PREPL: variants seen among roughly 807,000 people sequenced by gnomAD.
PREPL encodes prolyl endopeptidase like, also known as prolyl endopeptidase-like.
PREPL carries 77 observed loss-of-function variants against 70.6 expected under a neutral mutation model. That is an observed-to-expected ratio of 1.09 (90% CI 0.91 to 1.32). The LOEUF (loss-of-function observed/expected upper bound fraction) is 1.32, where lower values mean the gene tolerates loss of function less well. PREPL is among the 40% of genes most tolerant of loss of function. The pLI is 0.00. For synonymous variants in PREPL, 315 were observed against 264.8 expected (o/e 1.19, Z -1.84); for missense variants, 1,002 against 778.2 (o/e 1.29, Z -3.42).
chr2:44,332,409 C>T lies in PREPL; in HGVS notation c.1086+50G>A, dbSNP rs186861792. The T allele has an allele frequency of 2.6e-4, 389 of 1,490,904 alleles. 4 individuals are homozygous for T. The East Asian group carries it at 5.2e-3, about 20-fold the overall frequency. 92.4% of individuals were successfully genotyped at this position (1,490,904 alleles called of 1,614,324 possible). On this transcript the variant is annotated intron_variant, in intron 8 of 13. Transcript: ENST00000409411. ...CAACAACTGCATGGCATCTGGCAAA[C>T]GGTATGCTTTCAGTAAATGGGAGCT...
chr2:44,328,968 C>T lies in PREPL; in HGVS notation c.1231G>A (p.Asp411Asn). Reference sequence around the variant, plus strand: ...TGGCAGTATGCTAATATCCATCCATCATCCACCAGGACCCGCCTCTCAGGC... The same window carrying T: ...TGGCAGTATGCTAATATCCATCCATTATCCACCAGGACCCGCCTCTCAGGC... Reference protein sequence around the residue: ...FRPERRVLVDDGWILAYCHVR... With the variant: ...FRPERRVLVDNGWILAYCHVR... Residue 411 changes from aspartate to asparagine, a missense_variant, in exon 9 of 14, where the codon GAT becomes AAT. By Grantham distance (23) the Asp-to-Asn change is conservative. Transcript: ENST00000409411. 1 of 1,613,952 alleles carries T rather than the reference C, an allele frequency of 6.2e-7. No individual in the cohort carries two copies. The highest frequency in any genetic ancestry group is 8.5e-7 in the Non-Finnish European group (1 of 1,179,916).
At chr2:44,345,525 T>A (rs993254308) in intron 2 of PREPL, among the ~76,000 whole-genome samples, 7 of 151,998 alleles carry the variant, frequency 4.6e-5, no homozygotes, top group Non-Finnish European at 1.0e-4. Flanking sequence ...TTTTTGTATT[T>A]TTAGTAGAGA....
At chr2:44,352,994 C>T (rs1467791647) in intron 1 of PREPL, among the ~76,000 whole-genome samples, 3 of 152,148 alleles carry the variant, frequency 2.0e-5, no homozygotes, top group African/African-American at 7.2e-5. Flanking sequence ...TGCCTGTAAT[C>T]CCAGCACTTT....
At chr2:44,327,844 C>G (rs1673675077) in intron 9 of PREPL, among the ~76,000 whole-genome samples, 1 of 151,740 alleles carries the variant, frequency 6.6e-6, no homozygotes, top group African/African-American at 2.4e-5. Context: ...GCCTGGGAGA[C>G]AGAGTGAGAC....
chr2:44,337,595 CT>C (rs1162523699), intron 7 of PREPL, among the ~76,000 whole-genome samples: 4 of 152,276 alleles, frequency 2.6e-5, no homozygotes, highest in African/African-American at 9.6e-5. Flanking sequence ...CATCAACTGG[CT>C]CAGTAACTCT....
At chr2:44,355,145 C>A (rs1676884083) in intron 1 of PREPL, among the ~76,000 whole-genome samples, 1 of 152,258 alleles carries the variant, frequency 6.6e-6, no homozygotes, top group Admixed American at 6.5e-5. Flanking sequence ...AGCCTCCAAT[C>A]AGTTAAAAAA....
At chr2:44,343,410 T>G (rs1460548257) in intron 4 of PREPL, among the ~76,000 whole-genome samples, 1 of 152,208 alleles carries the variant, frequency 6.6e-6, no homozygotes, top group Non-Finnish European at 1.5e-5. Flanking sequence ...CATTCAAGCT[T>G]AAAGTTGAAT....
Position 44,317,644 on chromosome 2 carries a change from C to A in PREPL, c.*3712G>T, listed in dbSNP as rs1332760229. On this transcript the variant is annotated 3_prime_UTR_variant, in exon 14 of 14. Transcript: ENST00000409411. ...CATAATTTTAATGGTAAAATTAGGACATAAAAATAATTTTCAAAGAATTAT... is the reference window on the plus strand; with the variant it reads ...CATAATTTTAATGGTAAAATTAGGAAATAAAAATAATTTTCAAAGAATTAT... 2 of 151,668 alleles carry A rather than the reference C, an allele frequency of 1.3e-5. No individual in the cohort carries two copies. Among genetic ancestry groups the A allele is most frequent in the African/African-American group, 2.4e-5 (1 of 41,104 alleles). 9.4% of individuals were successfully genotyped at this position (151,668 alleles called of 1,614,324 possible).
At chr2:44,359,367 C>T in intron 1 of PREPL, 1 of 775,720 alleles carries the variant, frequency 1.3e-6, no homozygotes, top group Non-Finnish European at 2.0e-6. Context: ...ACAATTGAGA[C>T]TTGAAAATTA....
intron 1 of PREPL, among the ~76,000 whole-genome samples, chr2:44,357,259 A>G (rs1677149280): frequency 6.6e-6 from 1 of 152,244 alleles, no homozygotes; most frequent in Non-Finnish European, 1.5e-5. Flanking sequence ...CTCTTTAAGC[A>G]GACATTTTAA....
intron 8 of PREPL, among the ~76,000 whole-genome samples, chr2:44,329,923 C>T (rs1436066560): frequency 1.3e-5 from 2 of 152,162 alleles, no homozygotes; most frequent in Non-Finnish European, 2.9e-5. Flanking sequence ...TGAAATAGCA[C>T]CGTTTACATA....
chr2:44,351,179 C>T (rs1184359553), intron 1 of PREPL, among the ~76,000 whole-genome samples: 1 of 151,518 alleles, frequency 6.6e-6, no homozygotes, highest in Non-Finnish European at 1.5e-5. Flanking sequence ...AGGTGAACCA[C>T]CCGCCTCAGC....
chr2:44,321,146 CT>C lies in PREPL; in HGVS notation c.*209del, dbSNP rs1672905509. 3 of 539,034 alleles carry C rather than the reference CT, an allele frequency of 5.6e-6. No individual in the cohort carries two copies. The highest frequency in any genetic ancestry group is 6.7e-6 in the Non-Finnish European group (2 of 298,440). 33.4% of individuals were successfully genotyped at this position (539,034 alleles called of 1,614,324 possible). A position where few individuals can be genotyped will look rare whatever the true frequency, so the allele number is the denominator to read the frequency against. On this transcript the variant is annotated 3_prime_UTR_variant, in exon 14 of 14. Transcript: ENST00000409411. ...TCTAAGGAGCATGATTTGAAAATTA[CT>C]TTCCTAGGTTAATGGGCATGTGCAT...
At chr2:44,333,032 T>A (rs867937397) in intron 7 of PREPL, among the ~76,000 whole-genome samples, 1 of 152,300 alleles carries the variant, frequency 6.6e-6, no homozygotes, top group Middle Eastern at 3.4e-3. Context: ...AGATCTCTGT[T>A]CTCAAAGAAC....
chr2:44,333,929 C>T (rs1283471646), intron 7 of PREPL, among the ~76,000 whole-genome samples: 3 of 152,106 alleles, frequency 2.0e-5, no homozygotes, highest in Non-Finnish European at 4.4e-5. Flanking sequence ...GTTTTTCTGC[C>T]CTTTGATGAG....
At chr2:44,323,776 C>G (rs973199713) in intron 10 of PREPL, among the ~76,000 whole-genome samples, 2 of 152,042 alleles carry the variant, frequency 1.3e-5, no homozygotes, top group African/African-American at 2.4e-5. Context: ...ACAACAACAA[C>G]AAGTATTGGC....
chr2:44,338,499 T>G lies in PREPL; in HGVS notation c.740A>C (p.Asn247Thr). 1 of 1,612,600 alleles carries G rather than the reference T, an allele frequency of 6.2e-7. No homozygotes were observed. Among genetic ancestry groups the G allele is most frequent in the Non-Finnish European group, 8.5e-7 (1 of 1,179,622 alleles). Residue 247 changes from asparagine (N) to threonine (T), a missense_variant, in exon 7 of 14, where the codon AAT (asparagine) becomes ACT (threonine). Coordinates refer to ENST00000409411, the MANE Select transcript of PREPL (RefSeq NM_001171613.2). ...CTTCATTGTAAAAAATAAATCCCAA[T>G]TCATAATTGCAGGGGTATCAGCCGC... ...RTAADTPAIM[N>T]WDLFFTMKRN... is the part of the protein sequence containing the mutation.
chr2:44,350,184 T>C (rs1676263888), intron 1 of PREPL, among the ~76,000 whole-genome samples: 1 of 152,018 alleles, frequency 6.6e-6, no homozygotes, highest in South Asian at 2.1e-4. Context: ...CTTGATAAAA[T>C]CAAATTTTTA....
chr2:44,349,477 T>G (rs182735537), intron 1 of PREPL, among the ~76,000 whole-genome samples: 2 of 151,934 alleles, frequency 1.3e-5, no homozygotes, highest in East Asian at 1.9e-4. Flanking sequence ...TCCACAGCAA[T>G]TGAAAAACAG....
Sources: gnomAD v4.1 joint callset for allele counts (sites outside exome capture counted in the v4.1 genomes callset) on GRCh38, gnomAD v4.1.1 for gene constraint, MANE v1.5 for transcripts, NCBI Gene and HGNC (gene_info 2026-07-23, HGNC 2026-07-21) for gene names.